SLC22A25: variants seen among roughly 807,000 people sequenced by gnomAD.
The protein encoded by SLC22A25 is MGI:2442751, MGI:2385316, MGI:3042283, MGI:3645714, MGI:3605624, MGI:2442750.
SLC22A25 carries 44 observed loss-of-function variants against 45.9 expected under a neutral mutation model. The ratio of observed to expected loss-of-function variants is 0.96; its 90% confidence interval spans 0.75 to 1.23. The LOEUF (loss-of-function observed/expected upper bound fraction) is 1.23, where lower values mean the gene tolerates loss of function less well. SLC22A25 is among the 50% of genes most tolerant of loss of function. The pLI, the probability that SLC22A25 is intolerant of heterozygous loss-of-function variation, is 0.00. For missense variants in SLC22A25, 800 were observed against 666.4 expected (o/e 1.20, Z -2.21); for synonymous variants, 283 against 238.6 (o/e 1.19, Z -1.72).
intron 7 of SLC22A25, among the ~76,000 whole-genome samples, chr11:63,194,633 T>C (rs11231403): frequency 0.46 from 70,277 of 151,612 alleles, 17,946 homozygotes; most frequent in Non-Finnish European, 0.57. Flanking sequence ...AGACCATCGA[T>C]GCTAGGAAGA....
At chr11:63,179,647 G>A (rs139875885) in intron 9 of SLC22A25, among the ~76,000 whole-genome samples, 56 of 152,226 alleles carry the variant, frequency 3.7e-4, no homozygotes, top group South Asian at 2.5e-3. Flanking sequence ...TCTAGAGTGC[G>A]TGTGGGGTCC....
chr11:63,212,561 A>G (rs2089599776), intron 7 of SLC22A25, among the ~76,000 whole-genome samples: 1 of 151,766 alleles, frequency 6.6e-6, no homozygotes, highest in South Asian at 2.1e-4. Context: ...GCAAACTATC[A>G]CAAGGACAAA....
chr11:63,164,675 T>C, intron 10 of SLC22A25, 41 bp from the exon 11 acceptor site: 1 of 1,506,372 alleles, frequency 6.6e-7, no homozygotes, highest in Non-Finnish European at 9.2e-7. Flanking sequence ...AAATCTGAGC[T>C]GAAGGAATCA....
intron 7 of SLC22A25, among the ~76,000 whole-genome samples, chr11:63,192,066 A>T (rs2088835570): frequency 6.6e-6 from 1 of 152,230 alleles, no homozygotes; most frequent in Non-Finnish European, 1.5e-5. Flanking sequence ...GATAGAAAAA[A>T]TGTTAAATGC....
intron 9 of SLC22A25, among the ~76,000 whole-genome samples, chr11:63,171,397 A>G (rs2087880418): frequency 6.6e-6 from 1 of 152,204 alleles, no homozygotes; most frequent in African/African-American, 2.4e-5. Context: ...ATGATTGTAT[A>G]TTTAGAAAAC....
rs560900940 is a variant in SLC22A25, at chr11:63,160,600, C to T, written c.*3224G>A. On this transcript the variant is annotated 3_prime_UTR_variant, in exon 12 of 12. Transcript: ENST00000306494. ...TGAAGTCCATACACAGAGTCTCCAT[C>T]GGAGACTGCTTAGTGGAGCTGTGAG... 1.4e-4 allele frequency among the ~76,000 whole-genome samples: 22 copies of T among 152,132 alleles called. No individual in the cohort carries two copies. Among genetic ancestry groups the T allele is most frequent in the East Asian group, 3.8e-4 (2 of 5,200 alleles).
intron 4 of SLC22A25, 136 bp from the exon 5 acceptor site, chr11:63,228,700 T>A (rs2090011359): frequency 4.8e-6 from 3 of 628,930 alleles, no homozygotes; most frequent in Non-Finnish European, 2.7e-6. Flanking sequence ...TGATATTCAC[T>A]GTTCAGGTCT....
At chr11:63,183,557 T>G in intron 8 of SLC22A25, 137 bp downstream of exon 8, 3 of 1,089,646 alleles carry the variant, frequency 2.8e-6, no homozygotes, top group Non-Finnish European at 4.0e-6. Context: ...TTGACACCCA[T>G]TGAGAATGAT....
At chr11:63,198,274 C>T (rs993829302) in intron 7 of SLC22A25, among the ~76,000 whole-genome samples, 2 of 152,182 alleles carry the variant, frequency 1.3e-5, no homozygotes, top group Admixed American at 1.3e-4. Flanking sequence ...CACATGCACA[C>T]ATATGTTTAT....
chr11:63,214,247 C>A (rs1203791413), intron 7 of SLC22A25, among the ~76,000 whole-genome samples: 1 of 152,130 alleles, frequency 6.6e-6, no homozygotes, highest in Non-Finnish European at 1.5e-5. Flanking sequence ...ACTATAGAGG[C>A]AATAGTAACC....
At chr11:63,175,763 T>G (rs2088062524) in intron 9 of SLC22A25, among the ~76,000 whole-genome samples, 1 of 151,992 alleles carries the variant, frequency 6.6e-6, no homozygotes, top group South Asian at 2.1e-4. Flanking sequence ...CCATTTTCAG[T>G]TGATTTTTGT....
intron 3 of SLC22A25, among the ~76,000 whole-genome samples, chr11:63,232,616 T>G (rs561515739): frequency 6.6e-6 from 1 of 152,012 alleles, no homozygotes; most frequent in Non-Finnish European, 1.5e-5. Context: ...CTAATTGAAT[T>G]CCCTTTATTC....
chr11:63,179,647 G>T (rs139875885), intron 9 of SLC22A25, among the ~76,000 whole-genome samples: 1 of 152,108 alleles, frequency 6.6e-6, no homozygotes, highest in Non-Finnish European at 1.5e-5. Flanking sequence ...TCTAGAGTGC[G>T]TGTGGGGTCC....
chr11:63,194,128 G>T (rs1046921760), intron 7 of SLC22A25, among the ~76,000 whole-genome samples: 1 of 152,158 alleles, frequency 6.6e-6, no homozygotes, highest in Non-Finnish European at 1.5e-5. Flanking sequence ...AGAGTAAAAA[G>T]AAATGAACAA....
intron 9 of SLC22A25, among the ~76,000 whole-genome samples, chr11:63,168,888 A>C (rs1218481455): frequency 2.6e-5 from 4 of 152,142 alleles, no homozygotes; most frequent in Non-Finnish European, 5.9e-5. Flanking sequence ...GATTGAAATG[A>C]AGGAAAAAAA....
rs113242709 is a variant in SLC22A25 at position 63,183,530 on chromosome 11, T to A, written c.954+164A>T. Among the ~76,000 whole-genome samples the A allele has an allele frequency of 1.7e-3, 265 of 152,242 alleles. 4 individuals carry two copies. The highest frequency in any genetic ancestry group is 5.5e-3 in the African/African-American group (230 of 41,564). On this transcript the variant is annotated intron_variant, in intron 8 of 11. Transcript: ENST00000306494. ...CCTTTCAGCAACAGGATATTCTCTT[T>A]CAATGTTAATCCAATGTTGACACCC...
chr11:63,187,650 T>C (rs1341347404), intron 7 of SLC22A25, among the ~76,000 whole-genome samples: 2 of 152,250 alleles, frequency 1.3e-5, no homozygotes, highest in African/African-American at 2.4e-5. Context: ...CTTCCGGTTT[T>C]TGCCCATTCA....
At position 63,163,119 on chromosome 11, in the gene SLC22A25, C is replaced by A. The variant is rs1239982914; in HGVS notation, c.*705G>T. ...CTCTGCCCGCAAGTGTTTGTGTAAACCTTGTGAAGTAAAAAACCAAGCTCC... is the reference window on the plus strand; with the variant it reads ...CTCTGCCCGCAAGTGTTTGTGTAAAACTTGTGAAGTAAAAAACCAAGCTCC... On this transcript the variant is annotated 3_prime_UTR_variant, in exon 12 of 12. Coordinates refer to ENST00000306494, the MANE Select transcript of SLC22A25 (RefSeq NM_199352.6). Among the ~76,000 whole-genome samples, 2 of 152,136 alleles carry A rather than the reference C, an allele frequency of 1.3e-5. No homozygotes were observed. The highest frequency in any genetic ancestry group is 4.8e-5 in the African/African-American group (2 of 41,430).
chr11:63,196,309 G>T (rs1233792792), intron 7 of SLC22A25, among the ~76,000 whole-genome samples: 1 of 151,960 alleles, frequency 6.6e-6, no homozygotes, highest in Non-Finnish European at 1.5e-5. Context: ...ACAAAAAAAA[G>T]AATTTTAGAC....
Sources: gnomAD v4.1 joint callset for allele counts (sites outside exome capture counted in the v4.1 genomes callset) on GRCh38, gnomAD v4.1.1 for gene constraint, MANE v1.5 for transcripts, NCBI Gene and HGNC (gene_info 2026-07-23, HGNC 2026-07-21) for gene names.